AGBL4: variants seen among roughly 807,000 people sequenced by gnomAD.
AGBL4 encodes cytosolic carboxypeptidase 6.
Under a neutral mutation model 66.4 loss-of-function variants are expected in AGBL4, and 58 were observed. That is an observed-to-expected ratio of 0.87 (90% CI 0.71 to 1.09). The LOEUF (loss-of-function observed/expected upper bound fraction) is 1.09, where lower values mean the gene tolerates loss of function less well. AGBL4 is among the 50% of genes least tolerant of loss of function. AGBL4 has a pLI of 0.00. For synonymous variants in AGBL4, 234 were observed against 222.9 expected (o/e 1.05, Z -0.44); for missense variants, 579 against 631.0 (o/e 0.92, Z 0.88).
At chr1:49,464,005 T>C (rs866618632) in intron 3 of AGBL4, among the ~76,000 whole-genome samples, 1 of 151,648 alleles carries the variant, frequency 6.6e-6, no homozygotes, top group African/African-American at 2.4e-5. Context: ...TAAACACATG[T>C]TGATTAATTT....
Position 48,698,770 on chromosome 1 carries a change from C to G in AGBL4, c.635-35529G>C, listed in dbSNP as rs529439022. The stretch of plus-strand genomic sequence containing the variant: ...GTACGTTACATGTACACCATCATTT[C>G]ATTTTCACAACACCCTGGCGAGGTA... On this transcript the variant is annotated intron_variant, in intron 6 of 13. Coordinates refer to ENST00000371839, the MANE Select transcript of AGBL4 (RefSeq NM_032785.4). Among the ~76,000 whole-genome samples, 6 of 152,340 alleles carry G rather than the reference C, an allele frequency of 3.9e-5. No individual in the cohort carries two copies. In the South Asian group the frequency reaches 1.2e-3, roughly 32 times the overall value.
chr1:48,752,535 A>C (rs1339859792), intron 6 of AGBL4, among the ~76,000 whole-genome samples: 1 of 152,170 alleles, frequency 6.6e-6, no homozygotes, highest in African/African-American at 2.4e-5. Flanking sequence ...GGAAACAGGA[A>C]ATCTCTAGGT....
chr1:49,270,339 T>C (rs1192473834), intron 3 of AGBL4, among the ~76,000 whole-genome samples: 1 of 152,184 alleles, frequency 6.6e-6, no homozygotes, highest in African/African-American at 2.4e-5. Context: ...GTTTCCACCA[T>C]CGGGGGGACA....
intron 5 of AGBL4, among the ~76,000 whole-genome samples, chr1:48,966,737 A>G (rs1430795059): frequency 1.3e-5 from 2 of 151,870 alleles, no homozygotes; most frequent in African/African-American, 4.8e-5. Context: ...TTTTTCTACC[A>G]GGAGTCAGCC....
chr1:49,142,070 T>A (rs1411642640), intron 4 of AGBL4, among the ~76,000 whole-genome samples: 3 of 152,054 alleles, frequency 2.0e-5, no homozygotes, highest in Non-Finnish European at 4.4e-5. Flanking sequence ...CAGATTCTCA[T>A]AGGAGTGAGA....
intron 1 of AGBL4, among the ~76,000 whole-genome samples, chr1:50,010,533 C>T (rs1661460648): frequency 6.7e-6 from 1 of 150,094 alleles, no homozygotes; most frequent in Non-Finnish European, 1.5e-5. Flanking sequence ...AAAAACAAAA[C>T]AAAACTGGAG....
intron 1 of AGBL4, among the ~76,000 whole-genome samples, chr1:49,988,874 T>C (rs368366800): frequency 6.6e-6 from 1 of 152,190 alleles, no homozygotes; most frequent in African/African-American, 2.4e-5. Context: ...TTGATGTGCA[T>C]TCAAAAATGC....
chr1:49,551,106 A>G (rs978160882), intron 3 of AGBL4, among the ~76,000 whole-genome samples: 1 of 152,080 alleles, frequency 6.6e-6, no homozygotes, highest in Non-Finnish European at 1.5e-5. Flanking sequence ...GACTTTCCAG[A>G]GCATTTTGCA....
rs201918568 is a variant in AGBL4, at chr1:49,851,886, A to G, written c.35-368T>C. On this transcript the variant is annotated intron_variant, in intron 1 of 13. Transcript: ENST00000371839. ...CAAGAGATATTCATTAAATTGCATC[A>G]ACCATTTAATATATAAATAATTCAC... Among the ~76,000 whole-genome samples the G allele has an allele frequency of 3.3e-5, 5 of 152,166 alleles. No homozygotes were observed. In the East Asian group the frequency reaches 9.6e-4, roughly 29 times the overall value.
chr1:49,558,691 T>G (rs75777392), intron 3 of AGBL4, among the ~76,000 whole-genome samples: 2,320 of 152,130 alleles, frequency 0.015, 28 homozygotes, highest in Non-Finnish European at 0.023. Context: ...GGACCTGCCA[T>G]GGGCCAGCAG....
chr1:49,477,721 G>A (rs992749013), intron 3 of AGBL4, among the ~76,000 whole-genome samples: 3 of 151,868 alleles, frequency 2.0e-5, no homozygotes, highest in Non-Finnish European at 2.9e-5. Flanking sequence ...ACTAAATAAG[G>A]CACTGGAAAA....
At chr1:48,922,213 A>G (rs897398392) in intron 5 of AGBL4, among the ~76,000 whole-genome samples, 1 of 152,134 alleles carries the variant, frequency 6.6e-6, no homozygotes, top group African/African-American at 2.4e-5. Context: ...TAATTAGGTC[A>G]CTAATGATTT....
intron 1 of AGBL4, among the ~76,000 whole-genome samples, chr1:49,950,371 T>C (rs961060162): frequency 2.0e-5 from 3 of 150,788 alleles, no homozygotes; most frequent in Admixed American, 1.3e-4. Context: ...AACGCATAAA[T>C]AAGAATGACA....
intron 4 of AGBL4, among the ~76,000 whole-genome samples, chr1:49,244,506 A>G (rs1194336542): frequency 6.6e-6 from 1 of 151,836 alleles, no homozygotes; most frequent in African/African-American, 2.4e-5. Flanking sequence ...CTACACTTTT[A>G]TAAACCTGAG....
intron 4 of AGBL4, among the ~76,000 whole-genome samples, chr1:49,095,720 TA>T (rs1201827438): frequency 6.6e-6 from 1 of 151,544 alleles, no homozygotes; most frequent in Non-Finnish European, 1.5e-5. Context: ...ACATTAGACC[TA>T]AAACCATAAA....
Position 49,359,017 on chromosome 1 carries a change from G to GAAT in AGBL4, c.283-113154_283-113153insATT, listed in dbSNP as rs1557867794. ...AACAAGGTCTTGTTTTATTACTTAT[G>GAAT]TATTAATTTCAGCAGGCCTGCAGTG... On this transcript the variant is annotated intron_variant, in intron 3 of 13. Coordinates refer to ENST00000371839, the MANE Select transcript of AGBL4 (RefSeq NM_032785.4). Among the ~76,000 whole-genome samples, 115 of 152,030 alleles carry GAAT rather than the reference G, an allele frequency of 7.6e-4. 1 individual carries two copies. The highest frequency in any genetic ancestry group is 2.2e-3 in the African/African-American group (91 of 41,328).
chr1:49,351,066 T>C (rs1218905705), intron 3 of AGBL4, among the ~76,000 whole-genome samples: 2 of 152,192 alleles, frequency 1.3e-5, no homozygotes, highest in African/African-American at 4.8e-5. Flanking sequence ...CTGTGAATTC[T>C]TTCAGTTTTC....
chr1:48,818,491 A>G (rs1256746414), intron 6 of AGBL4, among the ~76,000 whole-genome samples: 1 of 152,226 alleles, frequency 6.6e-6, no homozygotes. Context: ...AGCCACAGAC[A>G]CTGATCCTCA....
chr1:49,638,673 C>A (rs746410811), intron 3 of AGBL4, among the ~76,000 whole-genome samples: 6 of 151,850 alleles, frequency 4.0e-5, no homozygotes, highest in Non-Finnish European at 8.8e-5. Flanking sequence ...TTCCTTTGCA[C>A]ATGCTTTCTT....
Sources: allele counts gnomAD v4.1 joint callset (sites outside exome capture counted in the v4.1 genomes callset), GRCh38; gene constraint gnomAD v4.1.1; transcripts MANE v1.5; gene names NCBI Gene and HGNC (gene_info 2026-07-23, HGNC 2026-07-21).